The following PCDH15 variants were observed in gnomAD, a reference collection of about 807,000 sequenced individuals.
PCDH15 encodes the protein protocadherin related 15.
In PCDH15, 129 loss-of-function variants were observed where a neutral mutation model predicts 178.5. The observed-to-expected ratio is 0.72, with a 90% CI of 0.63 to 0.84. PCDH15 has a LOEUF of 0.84. Among genes scored for constraint, PCDH15 ranks in the 40% least tolerant of loss-of-function variants. The probability of loss-of-function intolerance (pLI) is 0.00; values close to 1 mark genes in which losing one functional copy is unlikely to be tolerated. For synonymous variants in PCDH15, 800 were observed against 732.0 expected (o/e 1.09, Z -1.50); for missense variants, 2,230 against 2,099.9 (o/e 1.06, Z -1.21).
At chr10:54,148,548 C>G (rs12265890) in intron 14 of PCDH15, among the ~76,000 whole-genome samples, 2,347 of 152,008 alleles carry the variant, frequency 0.015, 75 homozygotes, top group African/African-American at 0.054. Flanking sequence ...AATTGTTGCA[C>G]TTAGTTGAAT....
chr10:53,982,370 C>A (rs1316051630), intron 21 of PCDH15, among the ~76,000 whole-genome samples: 3 of 152,020 alleles, frequency 2.0e-5, no homozygotes, highest in African/African-American at 4.8e-5. Flanking sequence ...CACATGCACA[C>A]GTATGTTTAT....
intron 2 of PCDH15, among the ~76,000 whole-genome samples, chr10:54,985,033 C>A (rs1005568625): frequency 1.3e-5 from 2 of 152,136 alleles, no homozygotes; most frequent in Non-Finnish European, 2.9e-5. Flanking sequence ...CACACCCTTT[C>A]CACCCTCCCA....
chr10:53,961,017 A>G (rs1238437330), intron 22 of PCDH15, among the ~76,000 whole-genome samples: 1 of 152,164 alleles, frequency 6.6e-6, no homozygotes, highest in Non-Finnish European at 1.5e-5. Context: ...ATATGTAAAA[A>G]ACAAAAGAGG....
chr10:55,036,868 A>G (rs1840747894), intron 2 of PCDH15, among the ~76,000 whole-genome samples: 1 of 152,196 alleles, frequency 6.6e-6, no homozygotes, highest in Non-Finnish European at 1.5e-5. Flanking sequence ...TTCACCTTGT[A>G]TGAGAGAAAT....
intron 2 of PCDH15, among the ~76,000 whole-genome samples, chr10:55,330,838 A>ATATGTG: frequency 6.9e-6 from 1 of 144,718 alleles, no homozygotes; most frequent in South Asian, 2.2e-4. Flanking sequence ...AGATTTATTT[A>ATATGTG]TGTGTGTGTG....
chr10:55,245,078 G>A (rs1384127405), intron 1 of PCDH15, among the ~76,000 whole-genome samples: 2 of 151,876 alleles, frequency 1.3e-5, no homozygotes, highest in African/African-American at 4.8e-5. Flanking sequence ...AATCAAAGTG[G>A]TTTTGCATGA....
chr10:54,303,167 GGC>G (rs1480259498), intron 8 of PCDH15, among the ~76,000 whole-genome samples: 1 of 151,994 alleles, frequency 6.6e-6, no homozygotes, highest in Non-Finnish European at 1.5e-5. Context: ...TAGCAGATGG[GGC>G]AATAGATTAC....
At chr10:55,527,075 A>G (rs1284975054) in intron 2 of PCDH15, among the ~76,000 whole-genome samples, 1 of 152,072 alleles carries the variant, frequency 6.6e-6, no homozygotes, top group Admixed American at 6.6e-5. Flanking sequence ...AAGGAGCTAG[A>G]TGGAAATTTT....
At chr10:54,067,320 T>C (rs895631519) in intron 17 of PCDH15, among the ~76,000 whole-genome samples, 1 of 152,174 alleles carries the variant, frequency 6.6e-6, no homozygotes, top group African/African-American at 2.4e-5. Context: ...GCATGGTACA[T>C]CAAATGAGCA....
At chr10:54,404,811 A>C (rs771605608) in intron 3 of PCDH15, among the ~76,000 whole-genome samples, 1 of 152,130 alleles carries the variant, frequency 6.6e-6, no homozygotes, top group Non-Finnish European at 1.5e-5. Flanking sequence ...TTAAGGAAAA[A>C]AACCATTAAA....
intron 2 of PCDH15, among the ~76,000 whole-genome samples, chr10:55,528,207 T>A (rs542423522): frequency 2.0e-5 from 3 of 151,652 alleles, no homozygotes; most frequent in Middle Eastern, 3.4e-3. Context: ...CAGCTAATTT[T>A]TTATTTTATT....
At position 54,853,590 on chromosome 10, in the gene PCDH15, C is replaced by A. The variant is rs572499332; in HGVS notation, c.-29+43860G>T. 5.2e-4 allele frequency among the ~76,000 whole-genome samples: 78 copies of A among 150,188 alleles called. 1 individual carries two copies. The highest frequency in any genetic ancestry group is 1.7e-3 in the African/African-American group (68 of 40,980). ...ATGTGTGTATTTACCAAATATAAAT[C>A]AAAAATACCTTCCTTGTATTCCTAA... On this transcript the variant is annotated intron_variant, in intron 3 of 5. Transcript: ENST00000458638.
At chr10:55,166,696 C>T (rs1046150495) in intron 1 of PCDH15, 5 of 152,054 alleles carry the variant, frequency 3.3e-5, no homozygotes, top group African/African-American at 4.8e-5. Context: ...AAATCAAAGT[C>T]GTTACTCTAG....
chr10:54,852,836 G>A (rs1053969425), intron 3 of PCDH15, among the ~76,000 whole-genome samples: 7 of 144,576 alleles, frequency 4.8e-5, no homozygotes, highest in Admixed American at 1.4e-4. Context: ...CTGGGCAACA[G>A]ACTGAGACTC....
chr10:54,287,821 T>G (rs2059130956), intron 8 of PCDH15, among the ~76,000 whole-genome samples: 1 of 152,314 alleles, frequency 6.6e-6, no homozygotes, highest in South Asian at 2.1e-4. Flanking sequence ...CAATTCTATT[T>G]AAGATAATCG....
chr10:53,902,962 A>C (rs1177710926), intron 26 of PCDH15, among the ~76,000 whole-genome samples: 1 of 152,142 alleles, frequency 6.6e-6, no homozygotes, highest in East Asian at 1.9e-4. Context: ...GGAGGAATAC[A>C]AACCATTAAG....
At chr10:53,903,516 A>C in intron 25 of PCDH15, 146 bp from the exon 26 acceptor site, 3 of 797,022 alleles carry the variant, frequency 3.8e-6, no homozygotes. Context: ...AGCACCCCCA[A>C]ATTCAGGGGA....
intron 11 of PCDH15, among the ~76,000 whole-genome samples, chr10:54,194,416 A>G (rs2049355108): frequency 6.6e-6 from 1 of 152,176 alleles, no homozygotes; most frequent in African/African-American, 2.4e-5. Context: ...ACTAGTGGCT[A>G]CTATGTTGGA....
chr10:54,805,455 A>G (rs78776127), upstream of PCDH15, among the ~76,000 whole-genome samples: 766 of 152,298 alleles, frequency 5.0e-3, no homozygotes, highest in Non-Finnish European at 8.2e-3. Context: ...TTAACCAGGG[A>G]CTTGGCAACT....
Sources: gnomAD v4.1 joint callset for allele counts (sites outside exome capture counted in the v4.1 genomes callset) on GRCh38, gnomAD v4.1.1 for gene constraint, MANE v1.5 for transcripts, NCBI Gene and HGNC (gene_info 2026-07-23, HGNC 2026-07-21) for gene names.